The following SERPINB3 variants were observed in gnomAD, a reference collection of about 807,000 sequenced individuals.
The protein encoded by SERPINB3 is serpin B3.
In SERPINB3, 33 loss-of-function variants were observed where a neutral mutation model predicts 33.0. The ratio of observed to expected loss-of-function variants is 1.00; its 90% confidence interval spans 0.76 to 1.34. The LOEUF (loss-of-function observed/expected upper bound fraction) is 1.34. SERPINB3 is among the 40% of genes most tolerant of loss of function. The pLI is 0.00. For missense variants in SERPINB3, 518 were observed against 461.5 expected, an observed-to-expected ratio of 1.12 and a Z score of -1.12; for synonymous variants, 200 against 170.9, an observed-to-expected ratio of 1.17 and a Z score of -1.33.
chr18:63,658,431 A>C, intron 5 of SERPINB3, 82 bp downstream of exon 5: 1 of 1,172,922 alleles, frequency 8.5e-7, no homozygotes, highest in Non-Finnish European at 1.2e-6. Context: ...ATTCCCACCC[A>C]TGGTCCCCCA....
chr18:63,658,712 T>G, intron 4 of SERPINB3, 82 bp from the exon 5 acceptor site: 1 of 1,096,244 alleles, frequency 9.1e-7, no homozygotes. Flanking sequence ...TTTATAATTA[T>G]AGTAAGCTGA....
intron 2 of SERPINB3, 84 bp downstream of exon 2, chr18:63,660,968 C>T: frequency 6.2e-7 from 1 of 1,608,550 alleles, no homozygotes; most frequent in Non-Finnish European, 8.5e-7. Flanking sequence ...CCCATCAGAC[C>T]ACCACATCTA....
At chr18:63,660,901 T>A in intron 2 of SERPINB3, 45 bp from the exon 3 acceptor site, 1 of 1,612,790 alleles carries the variant, frequency 6.2e-7, no homozygotes, top group South Asian at 1.1e-5. Context: ...ACTCAAAAGA[T>A]CTGTTTAAGT....
At chr18:63,656,614 G>A (rs1342789771) in intron 7 of SERPINB3, among the ~76,000 whole-genome samples, 1 of 152,146 alleles carries the variant, frequency 6.6e-6, no homozygotes, top group Non-Finnish European at 1.5e-5. Context: ...GATATCCAAT[G>A]CATGTAACTC....
chr18:63,658,552 G>C lies in SERPINB3; in HGVS notation c.430C>G (p.Arg144Gly), dbSNP rs774375543. Reference sequence around the variant, plus strand: ...TCCACCCAGGAGTTAATCTTCTTTCGACTTTCTTCTGGAGCATTTGCAAAA... The same window carrying C: ...TCCACCCAGGAGTTAATCTTCTTTCCACTTTCTTCTGGAGCATTTGCAAAA... ...VDFANAPEES[R>G]KKINSWVESQ... Residue 144 changes from arginine (R) to glycine (G), a missense_variant, in exon 5 of 8, where the codon CGA becomes GGA. Arg to Gly is a moderately radical substitution (Grantham distance 125). Transcript: ENST00000283752. 8 of 1,613,040 alleles carry C rather than the reference G, an allele frequency of 5.0e-6. No individual in the cohort carries two copies. The highest frequency in any genetic ancestry group is 6.8e-6 in the Non-Finnish European group (8 of 1,179,432).
At chr18:63,659,730 C>T (rs995425829) in intron 3 of SERPINB3, among the ~76,000 whole-genome samples, 2 of 152,132 alleles carry the variant, frequency 1.3e-5, no homozygotes, top group Non-Finnish European at 2.9e-5. Context: ...ATTCTTCTTG[C>T]TCTAATGTAC....
rs1301118348 is a variant in SERPINB3 at position 63,655,811 on chromosome 18, C to T, written c.1019G>A (p.Gly340Glu). The T allele has an allele frequency of 1.2e-6, 2 of 1,613,770 alleles. No homozygotes were observed. Among genetic ancestry groups the T allele is most frequent in the Non-Finnish European group, 1.7e-6 (2 of 1,179,932 alleles). Residue 340 changes from glycine to glutamate, a missense_variant, in exon 8 of 8, where the codon GGA (glycine) becomes GAA (glutamate). Physicochemically the swap from Gly to Glu is moderately conservative, Grantham distance 98. Transcript: ENST00000283752. The stretch of plus-strand genomic sequence containing the variant: ...AGCGGTGGCAGCTGCAGCTTCTGCT[C>T]CCTCCTCTGTAACCTCCACAAAGGC... ...HKAFVEVTEE[G>E]AEAAAATAVV...
chr18:63,660,946 C>G lies in SERPINB3; in HGVS notation c.166-90G>C, dbSNP rs924881060. The G allele has an allele frequency of 2.4e-5, 38 of 1,609,922 alleles. No individual in the cohort carries two copies. The Middle Eastern group carries it at 1.2e-3, about 49-fold the overall frequency. ...CACAGTTACGGGAATTCCTGCTCAGCCCCCTGTGCTACCCATCAGACCACC... is the reference window on the plus strand; with the variant it reads ...CACAGTTACGGGAATTCCTGCTCAGGCCCCTGTGCTACCCATCAGACCACC... On this transcript the variant is annotated intron_variant, in intron 2 of 7. Coordinates refer to ENST00000283752, the MANE Select transcript of SERPINB3 (RefSeq NM_006919.3).
intron 5 of SERPINB3, among the ~76,000 whole-genome samples, chr18:63,658,169 T>C (rs1350974676): frequency 6.6e-6 from 1 of 152,164 alleles, no homozygotes; most frequent in Non-Finnish European, 1.5e-5. Flanking sequence ...TGTTTCCTTT[T>C]AAATATTCAT....
intron 7 of SERPINB3, 71 bp downstream of exon 7, chr18:63,656,760 C>G: frequency 2.7e-6 from 4 of 1,489,998 alleles, no homozygotes; most frequent in Non-Finnish European, 3.6e-6. Context: ...CAGCTTTTAC[C>G]TTGTTTAAAC....
intron 3 of SERPINB3, among the ~76,000 whole-genome samples, chr18:63,660,509 A>G (rs765148339): frequency 6.6e-6 from 1 of 152,128 alleles, no homozygotes; most frequent in African/African-American, 2.4e-5. Flanking sequence ...GACTCTGAGC[A>G]GTTGTGTCCT....
intron 2 of SERPINB3, 50 bp from the exon 3 acceptor site, chr18:63,660,906 T>A: frequency 1.2e-6 from 2 of 1,612,834 alleles, no homozygotes; most frequent in Middle Eastern, 1.7e-4. Flanking sequence ...AAAGATCTGT[T>A]TAAGTCAGTG....
Position 63,660,869 on chromosome 18 carries a change from T to A in SERPINB3, c.166-13A>T. 1 of 1,613,292 alleles carries A rather than the reference T, an allele frequency of 6.2e-7. No individual in the cohort carries two copies. ...CAAAGTGAAGAACCTGGAAGAGACA[T>A]GAAGCGGGACAAGAAAACTTTACTC... On this transcript the variant is annotated splice_polypyrimidine_tract_variant and intron_variant, in intron 2 of 7. Coordinates refer to ENST00000283752, the MANE Select transcript of SERPINB3 (RefSeq NM_006919.3).
In SERPINB3 at chr18:63,657,427, A is replaced by C; in HGVS notation, c.470-15T>G. ...TTTAATTTTTTCTGCAAGGGAAAGA[A>C]TAAAAGAGTCTTTTACACAAGCTAC... On this transcript the variant is annotated splice_polypyrimidine_tract_variant and intron_variant, in intron 5 of 7. Coordinates refer to ENST00000283752, the MANE Select transcript of SERPINB3 (RefSeq NM_006919.3). 1 of 1,583,578 alleles carries C rather than the reference A, an allele frequency of 6.3e-7. No individual in the cohort carries two copies. The highest frequency in any genetic ancestry group is 1.4e-5 in the African/African-American group (1 of 73,724).
chr18:63,656,190 A>G (rs1294876791), intron 7 of SERPINB3, 129 bp from the exon 8 acceptor site: 31 of 1,135,360 alleles, frequency 2.7e-5, no homozygotes, highest in Non-Finnish European at 3.8e-5. Flanking sequence ...TCACTTTATT[A>G]GATATTATTA....
intron 4 of SERPINB3, 71 bp from the exon 5 acceptor site, chr18:63,658,701 A>T: frequency 2.5e-6 from 3 of 1,199,858 alleles, no homozygotes; most frequent in East Asian, 5.1e-5. Flanking sequence ...AAATTTAGTT[A>T]TTTATAATTA....
intron 3 of SERPINB3, 39 bp downstream of exon 3, chr18:63,660,761 C>T (rs755644735): frequency 6.9e-5 from 112 of 1,612,440 alleles, no homozygotes; most frequent in South Asian, 3.3e-4. Flanking sequence ...ATGACCTGTT[C>T]GGGGATCTAA....
Position 63,661,052 on chromosome 18 carries a change from C to T in SERPINB3, c.165G>A (p.Lys55=), listed in dbSNP as rs2144498219. 24 of 1,613,470 alleles carry T rather than the reference C, an allele frequency of 1.5e-5. No homozygotes were observed. Among genetic ancestry groups the T allele is most frequent in the Non-Finnish European group, 2.0e-5 (24 of 1,179,620 alleles). Residue 55 remains lysine, a splice_region_variant and synonymous_variant, in exon 2 of 8, where the codon AAG becomes AAA. Transcript: ENST00000283752. ...AKDNTAQQIK[K]VLHFDQVTEN... ...ACAACATAATGATGCTGATAGCTACCTTCTTAATCTGTTGTGCAGTGTTGT... is the reference window on the plus strand; with the variant it reads ...ACAACATAATGATGCTGATAGCTACTTTCTTAATCTGTTGTGCAGTGTTGT...
At chr18:63,657,930 G>A (rs1385715725) in intron 5 of SERPINB3, among the ~76,000 whole-genome samples, 1 of 152,014 alleles carries the variant, frequency 6.6e-6, no homozygotes, top group Non-Finnish European at 1.5e-5. Flanking sequence ...CTCATGTTGA[G>A]TTGCTGTAAG....
Sources: gnomAD v4.1 joint callset for allele counts (sites outside exome capture counted in the v4.1 genomes callset) on GRCh38, gnomAD v4.1.1 for gene constraint, MANE v1.5 for transcripts, NCBI Gene and HGNC (gene_info 2026-07-23, HGNC 2026-07-21) for gene names.